NRXN1: variants seen among roughly 807,000 people sequenced by gnomAD.
NRXN1 encodes neurexin 1.
NRXN1 carries 39 observed loss-of-function variants against 150.9 expected under a neutral mutation model. The observed-to-expected ratio is 0.26, with a 90% CI of 0.20 to 0.34. The LOEUF is 0.34. NRXN1 is among the 10% of genes least tolerant of loss of function. NRXN1 has a pLI of 1.00. For synonymous variants in NRXN1, 924 were observed against 757.0 expected (o/e 1.22, Z -3.62); for missense variants, 1,815 against 1,949.9 (o/e 0.93, Z 1.30).
At chr2:50,023,001 C>A (rs551962258) in intron 21 of NRXN1, 3 of 152,274 alleles carry the variant, frequency 2.0e-5, no homozygotes, top group African/African-American at 7.2e-5. Flanking sequence ...CATTCTGTCA[C>A]CTGCCAAGGG....
At chr2:49,957,644 C>T (rs1009765739) in intron 21 of NRXN1, among the ~76,000 whole-genome samples, 1 of 152,194 alleles carries the variant, frequency 6.6e-6, no homozygotes, top group Non-Finnish European at 1.5e-5. Context: ...AGGAGCATCT[C>T]TTCTCTCTAG....
chr2:50,408,436 C>T (rs958882933), intron 17 of NRXN1, among the ~76,000 whole-genome samples: 6 of 152,222 alleles, frequency 3.9e-5, no homozygotes, highest in Non-Finnish European at 8.8e-5. Context: ...TTTCCCAAGG[C>T]TGCATGATGT....
At chr2:50,697,260 T>C (rs1220224646) in intron 5 of NRXN1, among the ~76,000 whole-genome samples, 1 of 152,158 alleles carries the variant, frequency 6.6e-6, no homozygotes, top group African/African-American at 2.4e-5. Flanking sequence ...ACAGGAAAAG[T>C]TTTTTTAGAA....
intron 5 of NRXN1, among the ~76,000 whole-genome samples, chr2:50,802,107 C>G (rs770845306): frequency 6.6e-6 from 1 of 152,120 alleles, no homozygotes; most frequent in Non-Finnish European, 1.5e-5. Context: ...GGCCTTCTAT[C>G]CCACCACTTG....
intron 21 of NRXN1, among the ~76,000 whole-genome samples, chr2:50,000,349 T>A (rs1283487122): frequency 6.6e-6 from 1 of 152,212 alleles, no homozygotes; most frequent in Non-Finnish European, 1.5e-5. Context: ...ATGGAAATTA[T>A]ATAACTAGAG....
intron 18 of NRXN1, among the ~76,000 whole-genome samples, chr2:50,146,906 A>C (rs1450950740): frequency 2.0e-5 from 3 of 151,692 alleles, no homozygotes; most frequent in Non-Finnish European, 1.5e-5. Context: ...TTAAGAATTT[A>C]TTTTGCATTT....
intron 2 of NRXN1, among the ~76,000 whole-genome samples, chr2:50,999,452 C>T (rs1323923688): frequency 6.6e-6 from 1 of 151,972 alleles, no homozygotes; most frequent in Non-Finnish European, 1.5e-5. Flanking sequence ...AGGAGCAACA[C>T]TTCTTGCACA....
chr2:49,963,397 G>A (rs1676351685), intron 21 of NRXN1, among the ~76,000 whole-genome samples: 1 of 152,108 alleles, frequency 6.6e-6, no homozygotes, highest in African/African-American at 2.4e-5. Context: ...AAAACAAACA[G>A]GAAATAACTA....
intron 9 of NRXN1, among the ~76,000 whole-genome samples, chr2:50,541,163 C>A (rs2093380752): frequency 6.6e-6 from 1 of 152,126 alleles, no homozygotes; most frequent in African/African-American, 2.4e-5. Context: ...GTGATATATT[C>A]AAATATACAT....
chr2:50,354,451 G>A (rs1419136331), intron 17 of NRXN1, among the ~76,000 whole-genome samples: 1 of 150,916 alleles, frequency 6.6e-6, no homozygotes, highest in East Asian at 2.0e-4. Context: ...GTTGTTGTGA[G>A]GATTAAATGA....
At chr2:49,969,407 C>T (rs968004716) in intron 21 of NRXN1, among the ~76,000 whole-genome samples, 6 of 151,852 alleles carry the variant, frequency 4.0e-5, no homozygotes, top group Non-Finnish European at 8.8e-5. Context: ...AGAATTGACT[C>T]CCAAGGCTGT....
At chr2:50,115,421 G>T (rs1357734399) in intron 18 of NRXN1, among the ~76,000 whole-genome samples, 1 of 151,682 alleles carries the variant, frequency 6.6e-6, no homozygotes, top group Admixed American at 6.6e-5. Context: ...ACTGATTTTG[G>T]AATGATCGAA....
chr2:50,110,857 C>A (rs1231231931), intron 18 of NRXN1, among the ~76,000 whole-genome samples: 2 of 151,996 alleles, frequency 1.3e-5, no homozygotes, highest in African/African-American at 4.8e-5. Flanking sequence ...CTATTGTTCC[C>A]CTATTGAAAG....
chr2:50,462,070 A>G (rs570255402), intron 17 of NRXN1, among the ~76,000 whole-genome samples: 1 of 152,036 alleles, frequency 6.6e-6, no homozygotes, highest in East Asian at 1.9e-4. Flanking sequence ...TAACTTGGAG[A>G]GTAGTATTGG....
chr2:50,070,542 G>C lies in NRXN1; in HGVS notation c.3719-15498C>G, dbSNP rs181444135. ...TCCCAGCACTTTGGGAGGCCGAGGC[G>C]GGCGGATCACAAGGTCAGGAGATCG... On this transcript the variant is annotated intron_variant, in intron 19 of 22. Coordinates refer to ENST00000401669, the MANE Select transcript of NRXN1 (RefSeq NM_001330078.2). Among the ~76,000 whole-genome samples, 3 of 151,714 alleles carry C rather than the reference G, an allele frequency of 2.0e-5. No individual in the cohort carries two copies. The East Asian group carries it at 5.9e-4, about 30-fold the overall frequency.
At chr2:50,203,269 T>G (rs2062317122) in intron 18 of NRXN1, among the ~76,000 whole-genome samples, 1 of 152,204 alleles carries the variant, frequency 6.6e-6, no homozygotes, top group South Asian at 2.1e-4. Flanking sequence ...AACAGCAAGG[T>G]ACATTGGTCT....
At chr2:50,100,559 T>C (rs1350551443) in intron 18 of NRXN1, among the ~76,000 whole-genome samples, 2 of 152,126 alleles carry the variant, frequency 1.3e-5, no homozygotes, top group Non-Finnish European at 2.9e-5. Flanking sequence ...GGATTATTCT[T>C]TACACAGTAT....
At chr2:50,774,242 AAAC>A (rs763121757) in intron 5 of NRXN1, among the ~76,000 whole-genome samples, 54 of 152,296 alleles carry the variant, frequency 3.5e-4, no homozygotes, top group Non-Finnish European at 5.9e-4. Context: ...TTCCTTTTTA[AAAC>A]AACAACAACA....
chr2:50,295,995 A>G (rs1216444541), intron 17 of NRXN1, among the ~76,000 whole-genome samples: 1 of 152,210 alleles, frequency 6.6e-6, no homozygotes, highest in Admixed American at 6.5e-5. Flanking sequence ...TTATCAGCAT[A>G]TGCAAAATAT....
Sources: gnomAD v4.1 joint callset for allele counts (sites outside exome capture counted in the v4.1 genomes callset) on GRCh38, gnomAD v4.1.1 for gene constraint, MANE v1.5 for transcripts, NCBI Gene and HGNC (gene_info 2026-07-23, HGNC 2026-07-21) for gene names.